Variants in PCDHGB4 observed in about 807,000 individuals in gnomAD.
The protein encoded by PCDHGB4 is protocadherin gamma-B4.
PCDHGB4 carries 38 observed loss-of-function variants against 60.5 expected under a neutral mutation model. That is an observed-to-expected ratio of 0.63 (90% CI 0.48 to 0.82). The LOEUF is 0.82. Among genes scored for constraint, PCDHGB4 ranks in the 40% least tolerant of loss-of-function variants. The pLI, the probability that PCDHGB4 is intolerant of heterozygous loss-of-function variation, is 0.00. For synonymous variants in PCDHGB4, 456 were observed against 509.7 expected (o/e 0.89, Z 1.42); for missense variants, 1,109 against 1,209.6 (o/e 0.92, Z 1.23).
Position 141,490,083 on chromosome 5 carries a change from T to G in PCDHGB4, c.2398-4724T>G. Reference sequence around the variant, plus strand: ...CCAACGGCCAACTAGACTATTCTTTTGGAGACCACACATCTGAGGCAGTGC... The same window carrying G: ...CCAACGGCCAACTAGACTATTCTTTGGGAGACCACACATCTGAGGCAGTGC... On this transcript the variant is annotated intron_variant, in intron 1 of 3. Coordinates refer to ENST00000519479, the MANE Select transcript of PCDHGB4 (RefSeq NM_003736.4). This position sits in a 1 kb window ranked among gnomAD's most constrained non-coding sequence, Gnocchi z 5.4. 1.2e-6 allele frequency: 2 copies of G among 1,614,262 alleles called. No individual in the cohort carries two copies. The highest frequency in any genetic ancestry group is 1.7e-6 in the Non-Finnish European group (2 of 1,180,054).
At position 141,490,502 on chromosome 5, in the gene PCDHGB4, T is replaced by C. The variant is rs1408615048; in HGVS notation, c.2398-4305T>C. On this transcript the variant is annotated intron_variant, in intron 1 of 3. Transcript: ENST00000519479. The surrounding 1 kb of genome is among the most constrained non-coding windows in gnomAD (Gnocchi z 5.4). Reference sequence around the variant, plus strand: ...GACCGGGAGGCCACATCCCACTATATCATCGAGCTGCTGGCCAGCGATGCT... The same window carrying C: ...GACCGGGAGGCCACATCCCACTATACCATCGAGCTGCTGGCCAGCGATGCT... 1.2e-6 allele frequency: 2 copies of C among 1,614,094 alleles called. No individual in the cohort carries two copies. The highest frequency in any genetic ancestry group is 1.1e-5 in the South Asian group (1 of 91,076).
At chr5:141,411,302 G>T (rs1165336405) in intron 1 of PCDHGB4, 1 of 152,134 alleles carries the variant, frequency 6.6e-6, no homozygotes, top group Admixed American at 6.6e-5. Context: ...AGGCCCAGTG[G>T]CTCACACCTA....
rs934044974 is a variant in PCDHGB4, at chr5:141,476,034, C to T, written c.2398-18773C>T. 3 of 1,464,488 alleles carry T rather than the reference C, an allele frequency of 2.0e-6. No individual in the cohort carries two copies. The highest frequency in any genetic ancestry group is 2.3e-5 in the Admixed American group (1 of 44,364). The allele number at this position is 1,464,488 out of a possible 1,614,324, so 90.7% of individuals were successfully genotyped here. A position where few individuals can be genotyped will look rare whatever the true frequency, so the allele number is the denominator to read the frequency against. On this transcript the variant is annotated intron_variant, in intron 1 of 3. Transcript: ENST00000519479. The surrounding 1 kb of genome is among the most constrained non-coding windows in gnomAD (Gnocchi z 7.6). ...CCATGTCGGACTCGGCGCCCAGCGC[C>T]CAAGCGCTAACCCGCTGAAAGTTTC...
At position 141,491,127 on chromosome 5, in the gene PCDHGB4, C is replaced by T. The variant is rs2099708654; in HGVS notation, c.2398-3680C>T. On this transcript the variant is annotated intron_variant, in intron 1 of 3. Transcript: ENST00000519479. This position sits in a 1 kb window ranked among gnomAD's most constrained non-coding sequence, Gnocchi z 6.9. ...TGTCTACACACACTGGTGAGGTGCGCACAGCCCGGGCCTTACTGGAGGATG... is the reference window on the plus strand; with the variant it reads ...TGTCTACACACACTGGTGAGGTGCGTACAGCCCGGGCCTTACTGGAGGATG... 1 of 1,614,076 alleles carries T rather than the reference C, an allele frequency of 6.2e-7. No individual in the cohort carries two copies. The highest frequency in any genetic ancestry group is 1.3e-5 in the African/African-American group (1 of 74,942).
Position 141,476,788 on chromosome 5 carries a change from C to G in PCDHGB4, c.2398-18019C>G. 1 of 1,613,478 alleles carries G rather than the reference C, an allele frequency of 6.2e-7. No homozygotes were observed. Among genetic ancestry groups the G allele is most frequent in the Non-Finnish European group, 8.5e-7 (1 of 1,180,032 alleles). ...CGTTGGACGGAGGGACCCCAGCTCT[C>G]TCCGCCAGCCTGCCTATTCACATCA... On this transcript the variant is annotated intron_variant, in intron 1 of 3. Coordinates refer to ENST00000519479, the MANE Select transcript of PCDHGB4 (RefSeq NM_003736.4). This position sits in a 1 kb window ranked among gnomAD's most constrained non-coding sequence, Gnocchi z 7.6.
rs2099710738 is a variant in PCDHGB4, at chr5:141,491,331, T to C, written c.2398-3476T>C. 6.2e-7 allele frequency: 1 copy of C among 1,614,170 alleles called. No homozygotes were observed. The highest frequency in any genetic ancestry group is 8.5e-7 in the Non-Finnish European group (1 of 1,180,018). On this transcript the variant is annotated intron_variant, in intron 1 of 3. Coordinates refer to ENST00000519479, the MANE Select transcript of PCDHGB4 (RefSeq NM_003736.4). The surrounding 1 kb of genome is among the most constrained non-coding windows in gnomAD (Gnocchi z 6.9). ...ACCTTACCCTTTACCTCATTGTGGC[T>C]CTAGCGACCGTCAGTCTCTTATCCC...
intron 1 of PCDHGB4, chr5:141,441,889 GT>G: frequency 2.9e-6 from 1 of 346,022 alleles, no homozygotes; most frequent in South Asian, 2.6e-5. Flanking sequence ...GGTCACCAAG[GT>G]GGTGGCTGTA....
Position 141,432,433 on chromosome 5 carries a change from T to C in PCDHGB4, c.2397+42152T>C, listed in dbSNP as rs760107558. 10 of 1,613,996 alleles carry C rather than the reference T, an allele frequency of 6.2e-6. No individual in the cohort carries two copies. The South Asian group carries it at 8.8e-5, about 14-fold the overall frequency. ...TGTTCGTGCTGGACCAGAACGACAA[T>C]GCGCCCGAGATCCTGTACCCCGCCC... On this transcript the variant is annotated intron_variant, in intron 1 of 3. Transcript: ENST00000519479. This position sits in a 1 kb window ranked among gnomAD's most constrained non-coding sequence, Gnocchi z 6.0.
rs17097297 is a variant in PCDHGB4 at position 141,426,366 on chromosome 5, G to C, written c.2397+36085G>C. 737 of 204,832 alleles carry C rather than the reference G, an allele frequency of 3.6e-3. 4 individuals are homozygous for C. The highest frequency in any genetic ancestry group is 0.015 in the African/African-American group (666 of 43,954). 12.7% of individuals were successfully genotyped at this position (204,832 alleles called of 1,614,324 possible). Reference sequence around the variant, plus strand: ...CTTTCCTGCTGCCTTTGTTCTGCGGGGCACCCTCGGAGCAGATCCGCTACT... The same window carrying C: ...CTTTCCTGCTGCCTTTGTTCTGCGGCGCACCCTCGGAGCAGATCCGCTACT... On this transcript the variant is annotated intron_variant, in intron 1 of 3. Transcript: ENST00000519479.
chr5:141,403,580 C>G, intron 1 of PCDHGB4: 1 of 1,613,942 alleles, frequency 6.2e-7, no homozygotes, highest in Non-Finnish European at 8.5e-7. Flanking sequence ...TGCCCACCAC[C>G]TGGTCCTCAC....
rs894528472 is a variant in PCDHGB4 at position 141,489,718 on chromosome 5, C to A, written c.2398-5089C>A. 6.2e-7 allele frequency: 1 copy of A among 1,614,038 alleles called. No individual in the cohort carries two copies. Among genetic ancestry groups the A allele is most frequent in the African/African-American group, 1.3e-5 (1 of 74,934 alleles). ...ATTCCCACTGGACAGTGCCCAGGATCCGGATGTGGGCACCAATACTGTGAG... is the reference window on the plus strand; with the variant it reads ...ATTCCCACTGGACAGTGCCCAGGATACGGATGTGGGCACCAATACTGTGAG... On this transcript the variant is annotated intron_variant, in intron 1 of 3. Coordinates refer to ENST00000519479, the MANE Select transcript of PCDHGB4 (RefSeq NM_003736.4). This position sits in a 1 kb window ranked among gnomAD's most constrained non-coding sequence, Gnocchi z 4.5.
At position 141,431,776 on chromosome 5, in the gene PCDHGB4, C is replaced by A; in HGVS notation, c.2397+41495C>A. Reference sequence around the variant, plus strand: ...CCAAAGTCCTGATCACTGTTCTGGACGTGAACGACAATGCCCCAGAAGTGG... The same window carrying A: ...CCAAAGTCCTGATCACTGTTCTGGAAGTGAACGACAATGCCCCAGAAGTGG... On this transcript the variant is annotated intron_variant, in intron 1 of 3. Coordinates refer to ENST00000519479, the MANE Select transcript of PCDHGB4 (RefSeq NM_003736.4). The surrounding 1 kb of genome is among the most constrained non-coding windows in gnomAD (Gnocchi z 4.8). The A allele has an allele frequency of 6.2e-7, 1 of 1,614,228 alleles. No homozygotes were observed. The highest frequency in any genetic ancestry group is 8.5e-7 in the Non-Finnish European group (1 of 1,180,044).
intron 1 of PCDHGB4, chr5:141,419,170 C>G: frequency 6.2e-7 from 1 of 1,613,966 alleles, no homozygotes; most frequent in South Asian, 1.1e-5. Flanking sequence ...CCAGCAAAAC[C>G]ATAACCCTGC....
At chr5:141,403,143 T>A in intron 1 of PCDHGB4, 1 of 1,613,850 alleles carries the variant, frequency 6.2e-7, no homozygotes, top group Non-Finnish European at 8.5e-7. Flanking sequence ...GAGCGCCGAG[T>A]CCGCATCGTC....
intron 3 of PCDHGB4, among the ~76,000 whole-genome samples, chr5:141,509,362 G>C (rs2099876497): frequency 6.6e-6 from 1 of 152,152 alleles, no homozygotes; most frequent in Non-Finnish European, 1.5e-5. Flanking sequence ...GCATCCCTGA[G>C]GTTTTAACTG....
chr5:141,430,369 A>G (rs564811230), intron 1 of PCDHGB4, among the ~76,000 whole-genome samples: 1 of 151,582 alleles, frequency 6.6e-6, no homozygotes, highest in East Asian at 1.9e-4. Flanking sequence ...ATTGGGGAAA[A>G]AAAAGCTCAT....
chr5:141,482,736 C>T (rs897817817), intron 1 of PCDHGB4, among the ~76,000 whole-genome samples: 6 of 152,056 alleles, frequency 3.9e-5, no homozygotes, highest in African/African-American at 1.2e-4. Context: ...GCAAGAAATT[C>T]CATGCAGAGG....
intron 1 of PCDHGB4, chr5:141,478,018 C>T: frequency 1.9e-6 from 3 of 1,614,124 alleles, no homozygotes; most frequent in Non-Finnish European, 2.5e-6. Context: ...CCCGTCCAGT[C>T]CAAGACACAG....
chr5:141,394,395 C>G (rs1238779909), intron 1 of PCDHGB4: 2 of 1,614,146 alleles, frequency 1.2e-6, no homozygotes, highest in Non-Finnish European at 1.7e-6. Context: ...GATCCGAGAC[C>G]TGCAGCTACT....
Sources: gnomAD v4.1 joint callset for allele counts (sites outside exome capture counted in the v4.1 genomes callset) on GRCh38, gnomAD v4.1.1 for gene constraint, Gnocchi (gnomAD v3.1) non-coding constraint, MANE v1.5 for transcripts, NCBI Gene and HGNC (gene_info 2026-07-23, HGNC 2026-07-21) for gene names.